The following GRIN2A variants were observed in gnomAD, a reference collection of about 807,000 sequenced individuals.
GRIN2A encodes glutamate receptor ionotropic, NMDA 2A.
GRIN2A carries 22 observed loss-of-function variants against 113.4 expected under a neutral mutation model. The ratio of observed to expected loss-of-function variants is 0.19; its 90% confidence interval spans 0.14 to 0.28. The LOEUF (loss-of-function observed/expected upper bound fraction) is 0.28. Among genes scored for constraint, GRIN2A ranks in the 10% least tolerant of loss-of-function variants. GRIN2A has a pLI of 1.00. For missense variants in GRIN2A, 1,502 were observed against 1,887.0 expected (o/e 0.80, Z 3.78); for synonymous variants, 827 against 738.4 (o/e 1.12, Z -1.94).
At chr16:9,967,657 G>T (rs993365238) in intron 2 of GRIN2A, among the ~76,000 whole-genome samples, 8 of 152,262 alleles carry the variant, frequency 5.3e-5, no homozygotes, top group African/African-American at 1.9e-4. Context: ...AGTGAGCCAA[G>T]ATCGCACCAT....
chr16:9,951,038 C>T (rs376877236), intron 2 of GRIN2A, among the ~76,000 whole-genome samples: 1 of 152,196 alleles, frequency 6.6e-6, no homozygotes, highest in Non-Finnish European at 1.5e-5. Flanking sequence ...GTGCACCTCC[C>T]TCCTTATCGG....
chr16:9,796,167 T>C lies in GRIN2A; in HGVS notation c.2356+2110A>G, dbSNP rs1902970181. 2.0e-5 allele frequency among the ~76,000 whole-genome samples: 3 copies of C among 152,196 alleles called. No homozygotes were observed. The South Asian group carries it at 6.2e-4, about 31-fold the overall frequency. On this transcript the variant is annotated intron_variant, in intron 11 of 12. Transcript: ENST00000330684. ...ATAGATGCTTCGAGAGTGACACCAA[T>C]GGTGGGTGGGGCTAGAGTTAGAACT...
chr16:10,062,523 C>A (rs1026732719), intron 2 of GRIN2A, among the ~76,000 whole-genome samples: 1 of 152,114 alleles, frequency 6.6e-6, no homozygotes, highest in Non-Finnish European at 1.5e-5. Context: ...TTTTCACAAG[C>A]TTTCCAGGTG....
In GRIN2A at chr16:9,769,176, CA is replaced by C; in HGVS notation, c.2357-88del. 4.0e-6 allele frequency: 4 copies of C among 990,786 alleles called. No homozygotes were observed. In the South Asian group the frequency reaches 5.1e-5, roughly 13 times the overall value. The allele number at this position is 990,786 out of a possible 1,614,324, so 61.4% of individuals were successfully genotyped here. On this transcript the variant is annotated intron_variant, in intron 11 of 12. Transcript: ENST00000330684. ...TTCTGGGTTTGGAACAGACGATGTGCAACTCACAGCTATGTAACCTTAAGAC... is the reference window on the plus strand; with the variant it reads ...TTCTGGGTTTGGAACAGACGATGTGCACTCACAGCTATGTAACCTTAAGAC...
intron 3 of GRIN2A, among the ~76,000 whole-genome samples, chr16:9,930,747 T>C (rs1484717997): frequency 6.6e-6 from 1 of 152,234 alleles, no homozygotes; most frequent in East Asian, 1.9e-4. Flanking sequence ...CCAACAGTGA[T>C]CATTCTGATT....
At chr16:9,866,178 CAG>C (rs1425558014) in intron 4 of GRIN2A, among the ~76,000 whole-genome samples, 4 of 152,102 alleles carry the variant, frequency 2.6e-5, no homozygotes, top group African/African-American at 9.7e-5. Context: ...TACAATAAAA[CAG>C]AAAATGCTAA....
chr16:10,093,859 C>G (rs9928984), intron 2 of GRIN2A, among the ~76,000 whole-genome samples: 2 of 151,996 alleles, frequency 1.3e-5, no homozygotes, highest in Non-Finnish European at 2.9e-5. Flanking sequence ...TGTCTAAGAC[C>G]GTAGGGAAGA....
chr16:10,127,528 G>A (rs1426388655), intron 2 of GRIN2A, among the ~76,000 whole-genome samples: 2 of 152,100 alleles, frequency 1.3e-5, no homozygotes, highest in African/African-American at 2.4e-5. Context: ...GCACCCTTGT[G>A]CACCAAGAGC....
At chr16:9,939,468 T>C (rs901461780) in intron 2 of GRIN2A, among the ~76,000 whole-genome samples, 1 of 152,122 alleles carries the variant, frequency 6.6e-6, no homozygotes, top group African/African-American at 2.4e-5. Context: ...CATGGTAACT[T>C]ATGTCAGGTT....
At chr16:9,971,565 T>C in intron 2 of GRIN2A, among the ~76,000 whole-genome samples, 1 of 152,218 alleles carries the variant, frequency 6.6e-6, no homozygotes. Flanking sequence ...CTGTATCTTG[T>C]AGCAAGAATA....
Position 10,127,805 on chromosome 16 carries a change from T to C in GRIN2A, c.414+52193A>G, listed in dbSNP as rs149967681. Among the ~76,000 whole-genome samples, 401 of 152,304 alleles carry C rather than the reference T, an allele frequency of 2.6e-3. 1 individual carries two copies. Among genetic ancestry groups the C allele is most frequent in the African/African-American group, 9.3e-3 (387 of 41,574 alleles). The stretch of plus-strand genomic sequence containing the variant: ...AAGAGTATCAAGTTGAGCTCTTCCA[T>C]AGTAAAGAATTAAACCTCGCCCAAA... On this transcript the variant is annotated intron_variant, in intron 2 of 12. Transcript: ENST00000330684.
At chr16:9,926,461 G>T (rs558577104) in intron 3 of GRIN2A, among the ~76,000 whole-genome samples, 1 of 152,170 alleles carries the variant, frequency 6.6e-6, no homozygotes, top group Non-Finnish European at 1.5e-5. Context: ...CAGTAATGCT[G>T]TAAGCATATA....
chr16:10,158,997 T>G (rs928704860), intron 2 of GRIN2A, among the ~76,000 whole-genome samples: 2 of 152,156 alleles, frequency 1.3e-5, no homozygotes, highest in Non-Finnish European at 2.9e-5. Flanking sequence ...GAAACAAAAC[T>G]TAAGAAATTC....
chr16:9,846,450 T>C (rs1453492958), intron 5 of GRIN2A, among the ~76,000 whole-genome samples: 1 of 152,242 alleles, frequency 6.6e-6, no homozygotes, highest in East Asian at 1.9e-4. Flanking sequence ...TATTATATCT[T>C]TAAAATCCTG....
At position 9,975,519 on chromosome 16, in the gene GRIN2A, G is replaced by A. The variant is rs186106149; in HGVS notation, c.415-36968C>T. On this transcript the variant is annotated intron_variant, in intron 2 of 12. Coordinates refer to ENST00000330684, the MANE Select transcript of GRIN2A (RefSeq NM_001134407.3). Reference sequence around the variant, plus strand: ...AGCAAAGACCAGCCTGCCATCCACAGACTGCAAATAAATGGGAACCTCAGT... The same window carrying A: ...AGCAAAGACCAGCCTGCCATCCACAAACTGCAAATAAATGGGAACCTCAGT... Among the ~76,000 whole-genome samples, 174 of 152,318 alleles carry A rather than the reference G, an allele frequency of 1.1e-3. 4 individuals carry two copies. Among genetic ancestry groups the A allele is most frequent in the Non-Finnish European group, 5.9e-5 (4 of 68,032 alleles).
intron 10 of GRIN2A, among the ~76,000 whole-genome samples, chr16:9,821,164 A>G (rs1479144308): frequency 6.6e-6 from 1 of 152,130 alleles, no homozygotes; most frequent in Non-Finnish European, 1.5e-5. Flanking sequence ...CCACAAGGAG[A>G]ATGCACCTAC....
intron 9 of GRIN2A, among the ~76,000 whole-genome samples, chr16:9,824,694 A>G (rs1009849996): frequency 3.9e-5 from 6 of 152,140 alleles, no homozygotes; most frequent in African/African-American, 1.4e-4. Flanking sequence ...ATGACTCACA[A>G]TACGTTTCCC....
rs953571459 is a variant in GRIN2A at position 9,757,540 on chromosome 16, G to C, written c.*5609C>G. 4.4e-6 allele frequency: 1 copy of C among 227,794 alleles called. No homozygotes were observed. Among genetic ancestry groups the C allele is most frequent in the Non-Finnish European group, 8.7e-6 (1 of 114,666 alleles). The allele number at this position is 227,794 out of a possible 1,614,324, so 14.1% of individuals were successfully genotyped here. On this transcript the variant is annotated 3_prime_UTR_variant, in exon 13 of 13. Coordinates refer to ENST00000330684, the MANE Select transcript of GRIN2A (RefSeq NM_001134407.3). ...AAACCATAAGCTACTTATGGGAAGAGACTATATTTTCTATTTATTTTGCAT... is the reference window on the plus strand; with the variant it reads ...AAACCATAAGCTACTTATGGGAAGACACTATATTTTCTATTTATTTTGCAT...
At chr16:9,894,683 T>C (rs1477746410) in intron 3 of GRIN2A, among the ~76,000 whole-genome samples, 4 of 152,202 alleles carry the variant, frequency 2.6e-5, no homozygotes, top group African/African-American at 9.6e-5. Context: ...CTGTTTTTAT[T>C]TTTTAAGCTG....
Sources: gnomAD v4.1 joint callset for allele counts (sites outside exome capture counted in the v4.1 genomes callset) on GRCh38, gnomAD v4.1.1 for gene constraint, MANE v1.5 for transcripts, NCBI Gene and HGNC (gene_info 2026-07-23, HGNC 2026-07-21) for gene names.